Variants in PHKB observed in about 807,000 individuals in gnomAD.
PHKB encodes phosphorylase kinase regulatory subunit beta.
A neutral mutation model predicts 152.1 loss-of-function variants in PHKB; 122 were observed. That is an observed-to-expected ratio of 0.80 (90% CI 0.69 to 0.93). The LOEUF (loss-of-function observed/expected upper bound fraction) is 0.93. PHKB is among the 40% of genes least tolerant of loss of function. The probability of loss-of-function intolerance (pLI) is 0.00; values close to 1 mark genes in which losing one functional copy is unlikely to be tolerated. For missense variants in PHKB, 1,304 were observed against 1,328.4 expected (o/e 0.98, Z 0.29); for synonymous variants, 436 against 464.9 (o/e 0.94, Z 0.80).
At chr16:47,578,420 C>T (rs1156656941) in intron 7 of PHKB, among the ~76,000 whole-genome samples, 1 of 151,820 alleles carries the variant, frequency 6.6e-6, no homozygotes, top group Non-Finnish European at 1.5e-5. Flanking sequence ...AGTATAAGAC[C>T]CTAGATCTTA....
At chr16:47,501,044 G>A (rs371574638) in intron 3 of PHKB, among the ~76,000 whole-genome samples, 1 of 152,128 alleles carries the variant, frequency 6.6e-6, no homozygotes, top group Admixed American at 6.5e-5. Flanking sequence ...CATATTCTAG[G>A]TAAGGACAAT....
At chr16:47,613,614 GTTTC>G (rs1411696235) in intron 14 of PHKB, among the ~76,000 whole-genome samples, 1 of 152,170 alleles carries the variant, frequency 6.6e-6, no homozygotes, top group Middle Eastern at 3.4e-3. Flanking sequence ...AATGTTTTCT[GTTTC>G]TTTATTTTTG....
At chr16:47,661,236 A>G (rs1451578025) in intron 22 of PHKB, among the ~76,000 whole-genome samples, 3 of 152,196 alleles carry the variant, frequency 2.0e-5, no homozygotes, top group Admixed American at 2.0e-4. Flanking sequence ...CTGTGCTTAT[A>G]GCACAGTGCC....
chr16:47,552,751 A>C (rs1971294794), intron 7 of PHKB, among the ~76,000 whole-genome samples: 2 of 151,976 alleles, frequency 1.3e-5, no homozygotes. Flanking sequence ...CAAGAGGCAG[A>C]GTTTGTGGTG....
Position 47,701,440 on chromosome 16 carries a change from C to G in PHKB, c.*2074C>G, listed in dbSNP as rs1049135428. ...CTGAAAGCATTCAGAATCTGTGACA[C>G]GTATTGACTTCATGCTTTGAGATTC... On this transcript the variant is annotated 3_prime_UTR_variant, in exon 31 of 31. Transcript: ENST00000323584. The G allele has an allele frequency of 2.6e-5, 4 of 152,144 alleles. No individual in the cohort carries two copies. Among genetic ancestry groups the G allele is most frequent in the Non-Finnish European group, 5.9e-5 (4 of 68,028 alleles). The allele number at this position is 152,144 out of a possible 1,614,324, so 9.4% of individuals were successfully genotyped here. A position where few individuals can be genotyped will look rare whatever the true frequency, so the allele number is the denominator to read the frequency against.
At chr16:47,586,441 A>T (rs113146340) in intron 8 of PHKB, among the ~76,000 whole-genome samples, 60 of 152,286 alleles carry the variant, frequency 3.9e-4, no homozygotes, top group African/African-American at 1.4e-3. Flanking sequence ...TCATTTATTA[A>T]TTTACTTGTC....
rs372849700 is a variant in PHKB at position 47,699,534 on chromosome 16, A to G, written c.*168A>G. On this transcript the variant is annotated 3_prime_UTR_variant, in exon 31 of 31. Transcript: ENST00000323584. ...CCTCTTGCATGTCATAGCCAATCTA[A>G]CGGTAATGGTAAATGCTTTTAATCA... 11 of 757,674 alleles carry G rather than the reference A, an allele frequency of 1.5e-5. No individual in the cohort carries two copies. The highest frequency in any genetic ancestry group is 8.5e-5 in the African/African-American group (5 of 58,738). The allele number at this position is 757,674 out of a possible 1,614,324, so 46.9% of individuals were successfully genotyped here. A position where few individuals can be genotyped will look rare whatever the true frequency, so the allele number is the denominator to read the frequency against.
At chr16:47,570,992 G>A (rs1166717037) in intron 7 of PHKB, among the ~76,000 whole-genome samples, 1 of 151,600 alleles carries the variant, frequency 6.6e-6, no homozygotes, top group African/African-American at 2.4e-5. Context: ...TGACTTTAAT[G>A]TGTATCATTT....
rs186993983 is a variant in PHKB, at chr16:47,617,964, C to T, written c.1458+7044C>T. On this transcript the variant is annotated intron_variant, in intron 14 of 30. Transcript: ENST00000323584. Reference sequence around the variant, plus strand: ...AGAAAAGCCCTGCTTTATTGCTGACCGTGATTCCCTGTGTGGTACATGGGG... The same window carrying T: ...AGAAAAGCCCTGCTTTATTGCTGACTGTGATTCCCTGTGTGGTACATGGGG... 1.5e-4 allele frequency among the ~76,000 whole-genome samples: 23 copies of T among 152,344 alleles called. No individual in the cohort carries two copies. The East Asian group carries it at 2.5e-3, about 17-fold the overall frequency.
intron 7 of PHKB, among the ~76,000 whole-genome samples, chr16:47,564,767 T>G (rs1197870192): frequency 1.3e-5 from 2 of 152,214 alleles, no homozygotes; most frequent in African/African-American, 2.4e-5. Flanking sequence ...TTGAGTTAAT[T>G]TTTGTATATA....
At chr16:47,523,814 A>C (rs965431059) in intron 6 of PHKB, among the ~76,000 whole-genome samples, 11 of 152,202 alleles carry the variant, frequency 7.2e-5, no homozygotes, top group Admixed American at 2.0e-4. Flanking sequence ...GTGAGCTCTG[A>C]GGTCATTTAA....
chr16:47,563,934 C>A (rs1210205035), intron 7 of PHKB, among the ~76,000 whole-genome samples: 1 of 150,830 alleles, frequency 6.6e-6, no homozygotes, highest in Non-Finnish European at 1.5e-5. Context: ...TCCTGAGATA[C>A]TTCACCTAGG....
At chr16:47,566,313 G>C in intron 7 of PHKB, 1 of 1,177,550 alleles carries the variant, frequency 8.5e-7, no homozygotes. Flanking sequence ...GTCTGTATCT[G>C]TTTTGTCATA....
At chr16:47,472,689 G>A (rs1031901211) in intron 1 of PHKB, among the ~76,000 whole-genome samples, 2 of 152,160 alleles carry the variant, frequency 1.3e-5, no homozygotes, top group African/African-American at 4.8e-5. Context: ...AGGCCGGGCA[G>A]GAGAATGGCG....
chr16:47,484,710 C>T (rs1970021007), intron 1 of PHKB, among the ~76,000 whole-genome samples: 1 of 152,110 alleles, frequency 6.6e-6, no homozygotes, highest in South Asian at 2.1e-4. Flanking sequence ...AAGCCATTGT[C>T]ATTTATTTAT....
At chr16:47,602,243 G>A (rs1972240914) in intron 13 of PHKB, among the ~76,000 whole-genome samples, 2 of 151,952 alleles carry the variant, frequency 1.3e-5, no homozygotes, top group South Asian at 4.1e-4. Flanking sequence ...TTTCTTTTGG[G>A]GATGGGTATT....
intron 7 of PHKB, among the ~76,000 whole-genome samples, chr16:47,574,488 T>C (rs1423223256): frequency 6.6e-6 from 1 of 152,218 alleles, no homozygotes; most frequent in African/African-American, 2.4e-5. Context: ...CTGCACGTTA[T>C]TTTGCTCTTT....
At chr16:47,549,319 CA>C (rs1334266551) in intron 7 of PHKB, among the ~76,000 whole-genome samples, 8 of 152,152 alleles carry the variant, frequency 5.3e-5, no homozygotes, top group Non-Finnish European at 8.8e-5. Context: ...TCTTAATAAG[CA>C]TTTAATATAT....
intron 20 of PHKB, among the ~76,000 whole-genome samples, chr16:47,659,913 G>C (rs911363143): frequency 3.2e-4 from 49 of 152,258 alleles, no homozygotes; most frequent in African/African-American, 1.1e-3. Flanking sequence ...TGCCAGGCCA[G>C]AGTACAGTGG....
Sources: allele counts gnomAD v4.1 joint callset (sites outside exome capture counted in the v4.1 genomes callset), GRCh38; gene constraint gnomAD v4.1.1; transcripts MANE v1.5; gene names NCBI Gene and HGNC (gene_info 2026-07-23, HGNC 2026-07-21).